The following OLFM2 variants were observed in gnomAD, a reference collection of about 807,000 sequenced individuals.
OLFM2 encodes olfactomedin 2, also known as noelin-2.
Under a neutral mutation model 43.9 loss-of-function variants are expected in OLFM2, and 20 were observed. That is an observed-to-expected ratio of 0.46 (90% confidence interval 0.32 to 0.66). The LOEUF is 0.66. Ranked by LOEUF, OLFM2 falls within the 30% of genes least tolerant of loss-of-function variation. The pLI is 0.04. For synonymous variants in OLFM2, 268 were observed against 278.6 expected (o/e 0.96, Z 0.38); for missense variants, 416 against 643.6 (o/e 0.65, Z 3.83).
intron 1 of OLFM2, among the ~76,000 whole-genome samples, chr19:9,886,491 G>T (rs1158843972): frequency 6.6e-6 from 1 of 151,858 alleles, no homozygotes; most frequent in East Asian, 2.0e-4. Flanking sequence ...ACCGCACTGG[G>T]CCCTAAGAGG....
rs1447163350 is a variant in OLFM2 at position 9,857,024 on chromosome 19, G to A, written c.581-111C>T. On this transcript the variant is annotated intron_variant, in intron 4 of 5. Transcript: ENST00000264833. The surrounding 1 kb of genome is among the most constrained non-coding windows in gnomAD (Gnocchi z 5.7). ...TGGGAAAGCTGGGACCAGGGATGAGGGAAGACTCAAAAATCTGGTCCCAAT... is the reference window on the plus strand; with the variant it reads ...TGGGAAAGCTGGGACCAGGGATGAGAGAAGACTCAAAAATCTGGTCCCAAT... 1 of 987,010 alleles carries A rather than the reference G, an allele frequency of 1.0e-6. No individual in the cohort carries two copies. Among genetic ancestry groups the A allele is most frequent in the Non-Finnish European group, 1.6e-6 (1 of 643,514 alleles). 61.1% of individuals were successfully genotyped at this position (987,010 alleles called of 1,614,324 possible).
At chr19:9,891,602 G>A (rs1316281520) in intron 1 of OLFM2, among the ~76,000 whole-genome samples, 3 of 150,336 alleles carry the variant, frequency 2.0e-5, no homozygotes, top group African/African-American at 7.4e-5. Flanking sequence ...TGGCAACAGA[G>A]CAAGACTCCA....
rs1170451006 is a variant in OLFM2, at chr19:9,856,912, G to A, written c.582C>T (p.Gly194=). The part of the protein sequence containing the change: ...ARLHACAQKL[G]CGKLTGVSNP... ...TACTGACCCCGGTCAGCTTCCCACAGCCTGGGAGGCAGGAACAGGGGGAAT... is the reference window on the plus strand; with the variant it reads ...TACTGACCCCGGTCAGCTTCCCACAACCTGGGAGGCAGGAACAGGGGGAAT... Residue 194 remains glycine, a splice_region_variant and synonymous_variant, in exon 5 of 6, where the codon GGC becomes GGT. Coordinates refer to ENST00000264833, the MANE Select transcript of OLFM2 (RefSeq NM_058164.4). The surrounding 1 kb of genome is among the most constrained non-coding windows in gnomAD (Gnocchi z 4.0). 6.2e-7 allele frequency: 1 copy of A among 1,604,412 alleles called. No individual in the cohort carries two copies. The highest frequency in any genetic ancestry group is 8.5e-7 in the Non-Finnish European group (1 of 1,174,834).
At chr19:9,926,083 G>A (rs2086450927) in intron 1 of OLFM2, among the ~76,000 whole-genome samples, 1 of 152,052 alleles carries the variant, frequency 6.6e-6, no homozygotes, top group African/African-American at 2.4e-5. Context: ...GTTGCAGCGA[G>A]CTGTGATGGT....
chr19:9,916,079 G>A (rs1046097204), intron 1 of OLFM2, among the ~76,000 whole-genome samples: 3 of 152,136 alleles, frequency 2.0e-5, no homozygotes, highest in East Asian at 1.9e-4. Flanking sequence ...ATTTGAGGCC[G>A]GGCACAGTGG....
intron 1 of OLFM2, among the ~76,000 whole-genome samples, chr19:9,934,077 T>C (rs889058829): frequency 6.6e-6 from 1 of 152,170 alleles, no homozygotes; most frequent in African/African-American, 2.4e-5. Context: ...CAATGATTTC[T>C]AGGAAGGACC....
chr19:9,923,966 G>A (rs1335171160), intron 1 of OLFM2, among the ~76,000 whole-genome samples: 1 of 151,722 alleles, frequency 6.6e-6, no homozygotes, highest in African/African-American at 2.4e-5. Context: ...CGGGCTTGGT[G>A]GTGTGTGCCT....
intron 1 of OLFM2, among the ~76,000 whole-genome samples, chr19:9,932,454 C>CAAA (rs74178225): frequency 1.0e-5 from 1 of 95,916 alleles, no homozygotes; most frequent in Non-Finnish European, 2.5e-5. Context: ...GACTCAGTCT[C>CAAA]AAAAAAAAAA....
In OLFM2 at chr19:9,894,413, A is replaced by AATAATAATAAT. The variant is rs34172574; in HGVS notation, c.64-33620_64-33619insATTATTATTAT. On this transcript the variant is annotated intron_variant, in intron 1 of 5. Transcript: ENST00000264833. ...TAATAATAATAATAATAATAATAAT[A>AATAATAATAAT]AATAAATAAAATAAAGCCAGGTGCA... Among the ~76,000 whole-genome samples the AATAATAATAAT allele has an allele frequency of 8.2e-3, 851 of 103,628 alleles. 9 individuals are homozygous for AATAATAATAAT. The highest frequency in any genetic ancestry group is 0.011 in the Admixed American group (127 of 11,640). 68.0% of individuals were successfully genotyped at this position (103,628 alleles called of 152,430 possible).
intron 1 of OLFM2, among the ~76,000 whole-genome samples, chr19:9,915,243 T>C (rs900203853): frequency 4.7e-5 from 7 of 147,618 alleles, no homozygotes; most frequent in Admixed American, 2.7e-4. Flanking sequence ...CTCTCTCTTT[T>C]TTTTTTTTTT....
chr19:9,854,173 C>G lies in OLFM2; in HGVS notation c.*13G>C. 1 of 1,613,820 alleles carries G rather than the reference C, an allele frequency of 6.2e-7. No individual in the cohort carries two copies. The highest frequency in any genetic ancestry group is 8.5e-7 in the Non-Finnish European group (1 of 1,179,800). On this transcript the variant is annotated 3_prime_UTR_variant, in exon 6 of 6. Coordinates refer to ENST00000264833, the MANE Select transcript of OLFM2 (RefSeq NM_058164.4). This position sits in a 1 kb window ranked among gnomAD's most constrained non-coding sequence, Gnocchi z 9.5. ...GAGGCCCCCCAGGCAGCAGCCCGAG[C>G]CACAGCATTGGCTCAGGGGTCCCCA...
At chr19:9,883,658 C>T (rs1225884175) in intron 1 of OLFM2, among the ~76,000 whole-genome samples, 3 of 152,088 alleles carry the variant, frequency 2.0e-5, no homozygotes, top group African/African-American at 4.8e-5. Context: ...TACCCGCCAG[C>T]GCCTGTATCC....
chr19:9,890,113 G>T (rs960506364), intron 1 of OLFM2, among the ~76,000 whole-genome samples: 14 of 152,032 alleles, frequency 9.2e-5, no homozygotes, highest in African/African-American at 3.4e-4. Context: ...CTTCCCTCTG[G>T]GCTCCCCTCT....
At chr19:9,877,586 AAAAAT>A (rs2046502452) in intron 1 of OLFM2, among the ~76,000 whole-genome samples, 2 of 152,038 alleles carry the variant, frequency 1.3e-5, no homozygotes, top group African/African-American at 4.8e-5. Flanking sequence ...ACAATAAAAT[AAAAAT>A]AAAAAAAGTA....
chr19:9,891,286 C>T (rs1482247310), intron 1 of OLFM2, among the ~76,000 whole-genome samples: 3 of 143,882 alleles, frequency 2.1e-5, no homozygotes, highest in Non-Finnish European at 3.0e-5. Flanking sequence ...GCACTACAGC[C>T]TGGGCAACAG....
At chr19:9,886,927 G>A (rs551123607) in intron 1 of OLFM2, among the ~76,000 whole-genome samples, 26 of 151,348 alleles carry the variant, frequency 1.7e-4, no homozygotes, top group South Asian at 4.2e-4. Context: ...CAGGTGATCT[G>A]CCTGCCTCGG....
intron 1 of OLFM2, among the ~76,000 whole-genome samples, chr19:9,931,499 G>A (rs763986415): frequency 4.6e-5 from 7 of 151,958 alleles, no homozygotes; most frequent in African/African-American, 1.5e-4. Context: ...TCAGGAGTTC[G>A]AGACCAGCCT....
chr19:9,886,972 G>A (rs992570249), intron 1 of OLFM2, among the ~76,000 whole-genome samples: 7 of 151,880 alleles, frequency 4.6e-5, no homozygotes, highest in African/African-American at 9.7e-5. Flanking sequence ...GTGAGCCACC[G>A]TGCCTGGCCT....
chr19:9,934,231 C>G (rs1198046607), intron 1 of OLFM2, among the ~76,000 whole-genome samples: 1 of 152,120 alleles, frequency 6.6e-6, no homozygotes, highest in Admixed American at 6.6e-5. Context: ...TATGGGGCGC[C>G]GAGACTGTTT....
Sources: gnomAD v4.1 joint callset for allele counts (sites outside exome capture counted in the v4.1 genomes callset) on GRCh38, gnomAD v4.1.1 for gene constraint, Gnocchi (gnomAD v3.1) non-coding constraint, MANE v1.5 for transcripts, NCBI Gene and HGNC (gene_info 2026-07-23, HGNC 2026-07-21) for gene names.